Variants in CRHR1 observed in about 807,000 individuals in gnomAD.
The protein encoded by CRHR1 is corticotropin releasing hormone receptor 1, also known as corticotropin-releasing hormone receptor 1.
A neutral mutation model predicts 56.0 loss-of-function variants in CRHR1; 28 were observed. That is an observed-to-expected ratio of 0.50 (90% CI 0.37 to 0.69). CRHR1 has a LOEUF of 0.69. CRHR1 is among the 30% of genes least tolerant of loss of function. CRHR1 has a pLI of 0.00. For synonymous variants in CRHR1, 195 were observed against 216.5 expected (o/e 0.90, Z 0.87); for missense variants, 376 against 548.0 (o/e 0.69, Z 3.13).
chr17:45,821,564 C>A, intron 4 of CRHR1, 124 bp downstream of exon 4: 1 of 923,792 alleles, frequency 1.1e-6, no homozygotes, highest in Non-Finnish European at 1.7e-6. Context: ...TCTAGTGAAG[C>A]TGACTGGGGA....
chr17:45,833,693 T>TGGGGGCAGCC, intron 10 of CRHR1, 21 bp from the exon 11 acceptor site: 1 of 1,571,618 alleles, frequency 6.4e-7, no homozygotes, highest in Non-Finnish European at 8.7e-7. Flanking sequence ...ACTCCGAGCC[T>TGGGGGCAGCC]CCCCACCCGC....
At chr17:45,822,624 G>T (rs932627687) in intron 4 of CRHR1, among the ~76,000 whole-genome samples, 1 of 152,192 alleles carries the variant, frequency 6.6e-6, no homozygotes, top group African/African-American at 2.4e-5. Flanking sequence ...TCGTCCAGAG[G>T]CAGATCTCCT....
chr17:45,788,547 G>C (rs2061374011), intron 1 of CRHR1, among the ~76,000 whole-genome samples: 1 of 152,204 alleles, frequency 6.6e-6, no homozygotes, highest in African/African-American at 2.4e-5. Flanking sequence ...AGTGTCCCCA[G>C]CTATAAAATG....
intron 1 of CRHR1, among the ~76,000 whole-genome samples, chr17:45,805,043 G>A (rs1276949116): frequency 2.0e-5 from 3 of 151,922 alleles, no homozygotes; most frequent in Non-Finnish European, 2.9e-5. Context: ...TTGAACTGCT[G>A]ACCTCGTGAT....
chr17:45,800,542 C>T (rs552063496), intron 1 of CRHR1: 1 of 152,268 alleles, frequency 6.6e-6, no homozygotes, highest in Non-Finnish European at 1.5e-5. Context: ...ACAAATGGTC[C>T]ATCTCCCAGT....
intron 1 of CRHR1, among the ~76,000 whole-genome samples, chr17:45,796,834 A>G (rs115955217): frequency 0.98 from 148,509 of 152,296 alleles, 72,512 homozygotes; most frequent in East Asian, 1. Flanking sequence ...AGAAAGGTAG[A>G]GTGGTTAAGA....
chr17:45,791,893 C>T (rs2061434305), intron 1 of CRHR1, among the ~76,000 whole-genome samples: 1 of 150,714 alleles, frequency 6.6e-6, no homozygotes, highest in Admixed American at 6.6e-5. Flanking sequence ...CACGCTGGTA[C>T]CCTGGCGAGT....
At chr17:45,831,605 C>T (rs902624014) in intron 8 of CRHR1, among the ~76,000 whole-genome samples, 3 of 152,326 alleles carry the variant, frequency 2.0e-5, no homozygotes, top group African/African-American at 7.2e-5. Flanking sequence ...CCAGGCTTCA[C>T]CCTCAGAGAA....
chr17:45,800,814 G>C (rs2061607985), intron 1 of CRHR1: 1 of 152,168 alleles, frequency 6.6e-6, no homozygotes, highest in Non-Finnish European at 1.5e-5. Flanking sequence ...GAGAAAACAG[G>C]CTCCCTTTTC....
In CRHR1 at chr17:45,807,108, T is replaced by C; in HGVS notation, c.121+11T>C. 6.2e-7 allele frequency: 1 copy of C among 1,612,904 alleles called. No individual in the cohort carries two copies. The highest frequency in any genetic ancestry group is 8.5e-7 in the Non-Finnish European group (1 of 1,179,038). Reference sequence around the variant, plus strand: ...CCAGCAACATCTCAGGTGAGTCCCCTCAACCCCCTCCTGCAAGATTCCTGG... The same window carrying C: ...CCAGCAACATCTCAGGTGAGTCCCCCCAACCCCCTCCTGCAAGATTCCTGG... On this transcript the variant is annotated intron_variant, in intron 2 of 12. Coordinates refer to ENST00000314537, the MANE Select transcript of CRHR1 (RefSeq NM_004382.5).
chr17:45,803,757 C>CGTGTGTGTGTGTGTGTGTGT (rs553066030), intron 1 of CRHR1, among the ~76,000 whole-genome samples: 1 of 129,452 alleles, frequency 7.7e-6, no homozygotes, highest in Non-Finnish European at 1.8e-5. Flanking sequence ...AGAGAGAGTG[C>CGTGTGTGTGTGTGTGTGTGT]GTGTGTGTGT....
intron 4 of CRHR1, chr17:45,827,565 C>T (rs1195895326): frequency 6.6e-6 from 1 of 152,336 alleles, no homozygotes; most frequent in Non-Finnish European, 1.5e-5. Flanking sequence ...CCTCTCCTCA[C>T]TCCCCTCTCT....
chr17:45,801,001 G>A (rs556443368), intron 1 of CRHR1, among the ~76,000 whole-genome samples: 2 of 152,316 alleles, frequency 1.3e-5, no homozygotes, highest in East Asian at 1.9e-4. Context: ...TCAACAACAC[G>A]GTTATTTATG....
chr17:45,793,536 G>T (rs1207820134), intron 1 of CRHR1, among the ~76,000 whole-genome samples: 1 of 152,210 alleles, frequency 6.6e-6, no homozygotes, highest in Non-Finnish European at 1.5e-5. Context: ...CAAGAGCACT[G>T]GCATTCCTGG....
At chr17:45,830,632 C>A in intron 7 of CRHR1, 62 bp downstream of exon 7, 2 of 1,546,426 alleles carry the variant, frequency 1.3e-6, no homozygotes, top group South Asian at 2.4e-5. Flanking sequence ...CCCTCTCCTC[C>A]AGACTCAGGC....
chr17:45,828,550 C>T (rs1309484446), intron 4 of CRHR1, among the ~76,000 whole-genome samples: 3 of 152,300 alleles, frequency 2.0e-5, no homozygotes, highest in Non-Finnish European at 4.4e-5. Context: ...GAAATAAACC[C>T]GGGGAATGTG....
intron 4 of CRHR1, chr17:45,827,148 A>G (rs2062181590): frequency 6.6e-6 from 1 of 152,338 alleles, no homozygotes; most frequent in Admixed American, 6.5e-5. Context: ...AGCTGTGGGA[A>G]AGAAAAGCAG....
chr17:45,794,359 C>T (rs756892827), intron 1 of CRHR1, among the ~76,000 whole-genome samples: 1 of 152,234 alleles, frequency 6.6e-6, no homozygotes, highest in Non-Finnish European at 1.5e-5. Context: ...CTTGACCAGT[C>T]GGACCAGTCC....
chr17:45,802,409 A>G (rs2061640223), intron 1 of CRHR1, among the ~76,000 whole-genome samples: 1 of 152,260 alleles, frequency 6.6e-6, no homozygotes, highest in Non-Finnish European at 1.5e-5. Flanking sequence ...CTGCCAGTGC[A>G]GTAATTGCCT....
Sources: allele counts gnomAD v4.1 joint callset (sites outside exome capture counted in the v4.1 genomes callset), GRCh38; gene constraint gnomAD v4.1.1; transcripts MANE v1.5; gene names NCBI Gene and HGNC (gene_info 2026-07-23, HGNC 2026-07-21).